The following ZNF704 variants were observed in gnomAD, a reference collection of about 807,000 sequenced individuals.
The protein encoded by ZNF704 is zinc finger protein 704.
ZNF704 carries 10 observed loss-of-function variants against 44.7 expected under a neutral mutation model. The observed-to-expected ratio is 0.22, with a 90% CI of 0.14 to 0.38. The LOEUF (loss-of-function observed/expected upper bound fraction) is 0.38. Among genes scored for constraint, ZNF704 ranks in the 10% least tolerant of loss-of-function variants. The pLI, the probability that ZNF704 is intolerant of heterozygous loss-of-function variation, is 1.00. For synonymous variants in ZNF704, 211 were observed against 207.6 expected (o/e 1.02, Z -0.14); for missense variants, 390 against 545.5 (o/e 0.71, Z 2.84).
chr8:80,649,485 C>T (rs1175596259), intron 7 of ZNF704, among the ~76,000 whole-genome samples: 1 of 152,186 alleles, frequency 6.6e-6, no homozygotes, highest in East Asian at 1.9e-4. Flanking sequence ...GCTTTTCCAA[C>T]AGTCTTAGCA....
chr8:80,799,673 A>C (rs1241756526), intron 2 of ZNF704, among the ~76,000 whole-genome samples: 3 of 152,224 alleles, frequency 2.0e-5, no homozygotes, highest in Non-Finnish European at 2.9e-5. Flanking sequence ...AGCAACCTCA[A>C]AGATCAAAGG....
chr8:80,823,995 A>G (rs966424624), intron 1 of ZNF704, among the ~76,000 whole-genome samples: 5 of 152,338 alleles, frequency 3.3e-5, no homozygotes, highest in Admixed American at 1.3e-4. Flanking sequence ...AAAGCTGAAA[A>G]TTCTAAAAAT....
chr8:80,771,948 G>A (rs1312155450), intron 2 of ZNF704, among the ~76,000 whole-genome samples: 2 of 152,104 alleles, frequency 1.3e-5, no homozygotes, highest in African/African-American at 2.4e-5. Context: ...ATTATGTGAT[G>A]TTTCTTCTTT....
chr8:80,748,241 T>C (rs1038831513), intron 2 of ZNF704, among the ~76,000 whole-genome samples: 13 of 151,430 alleles, frequency 8.6e-5, no homozygotes, highest in African/African-American at 2.9e-4. Flanking sequence ...AACAAAATCA[T>C]TGGTATATCT....
chr8:80,763,410 C>G (rs1419975907), intron 2 of ZNF704, among the ~76,000 whole-genome samples: 1 of 152,238 alleles, frequency 6.6e-6, no homozygotes, highest in Non-Finnish European at 1.5e-5. Context: ...CCTGCAGGCT[C>G]AACACCAAAT....
intron 1 of ZNF704, among the ~76,000 whole-genome samples, chr8:80,850,515 AC>A (rs1224714955): frequency 6.6e-6 from 1 of 151,968 alleles, no homozygotes; most frequent in East Asian, 1.9e-4. Flanking sequence ...ACCAGGCTCC[AC>A]CCCAGCCATC....
At position 80,687,286 on chromosome 8, in the gene ZNF704, G is replaced by A; in HGVS notation, c.498C>T (p.Gly166=). 6.2e-7 allele frequency: 1 copy of A among 1,613,182 alleles called. No individual in the cohort carries two copies. The highest frequency in any genetic ancestry group is 8.5e-7 in the Non-Finnish European group (1 of 1,179,864). The change falls in exon 4 of 9, where the codon GGC becomes GGT. Residue 166 remains glycine (G), a synonymous_variant. Coordinates refer to ENST00000327835, the MANE Select transcript of ZNF704 (RefSeq NM_001033723.3). The part of the protein sequence containing the change: ...PFRSPAQPDD[G]IDEAEASNLL... ...GGTTGCTGGCCTCCGCCTCGTCGAT[G>A]CCGTCGTCTGGCTGCGCGGGGCTGC...
chr8:80,751,277 G>A (rs990004891), intron 2 of ZNF704, among the ~76,000 whole-genome samples: 1 of 152,090 alleles, frequency 6.6e-6, no homozygotes, highest in African/African-American at 2.4e-5. Flanking sequence ...GTTCTTTCCT[G>A]GTGTTTGTTT....
chr8:80,675,123 T>C (rs944523438), intron 4 of ZNF704, among the ~76,000 whole-genome samples: 1 of 152,234 alleles, frequency 6.6e-6, no homozygotes, highest in African/African-American at 2.4e-5. Context: ...TAATACATGA[T>C]GACCATTTCA....
At chr8:80,773,000 T>TGA (rs1171640171) in intron 2 of ZNF704, among the ~76,000 whole-genome samples, 6 of 152,202 alleles carry the variant, frequency 3.9e-5, no homozygotes, top group African/African-American at 1.2e-4. Flanking sequence ...AGTTCCTCTT[T>TGA]GATTCATGGG....
In ZNF704 at chr8:80,661,641, C is replaced by T. The variant is rs1426556346; in HGVS notation, c.928-1952G>A. On this transcript the variant is annotated intron_variant, in intron 6 of 8. Transcript: ENST00000327835. The stretch of plus-strand genomic sequence containing the variant: ...AGAATGATATCCTGTCATTTTCAGC[C>T]ATATGAATGGAACTAGAGGTCACTA... Among the ~76,000 whole-genome samples the T allele has an allele frequency of 1.5e-4, 23 of 152,128 alleles. 1 individual carries two copies. The highest frequency in any genetic ancestry group is 1.5e-3 in the Admixed American group (23 of 15,276).
chr8:80,669,450 G>C (rs1228499364), intron 5 of ZNF704, among the ~76,000 whole-genome samples: 1 of 152,162 alleles, frequency 6.6e-6, no homozygotes, highest in Non-Finnish European at 1.5e-5. Flanking sequence ...ATATGCTCTG[G>C]AAGGCTCTGG....
chr8:80,748,728 G>A (rs1317117124), intron 2 of ZNF704, among the ~76,000 whole-genome samples: 8 of 152,142 alleles, frequency 5.3e-5, no homozygotes, highest in African/African-American at 1.9e-4. Flanking sequence ...AGATTGGTGA[G>A]GGGAACTTGG....
chr8:80,742,234 T>C (rs1264968504), intron 2 of ZNF704, among the ~76,000 whole-genome samples: 1 of 152,170 alleles, frequency 6.6e-6, no homozygotes, highest in Non-Finnish European at 1.5e-5. Flanking sequence ...GAAATGCTTA[T>C]AGAAGGACCC....
chr8:80,835,176 A>G (rs1808538273), intron 1 of ZNF704, among the ~76,000 whole-genome samples: 1 of 151,586 alleles, frequency 6.6e-6, no homozygotes, highest in Non-Finnish European at 1.5e-5. Context: ...CAACTTGGGT[A>G]TTTTTTTTTA....
intron 4 of ZNF704, among the ~76,000 whole-genome samples, chr8:80,675,558 T>A (rs1334138173): frequency 6.6e-6 from 1 of 151,788 alleles, no homozygotes; most frequent in Non-Finnish European, 1.5e-5. Context: ...TCACTGCAGG[T>A]GAGAAGAGAT....
At position 80,802,792 on chromosome 8, in the gene ZNF704, C is replaced by T. The variant is rs183559075; in HGVS notation, c.221+18582G>A. Among the ~76,000 whole-genome samples the T allele has an allele frequency of 3.9e-5, 6 of 152,192 alleles. No individual in the cohort carries two copies. The East Asian group carries it at 1.2e-3, about 29-fold the overall frequency. Reference sequence around the variant, plus strand: ...GAAAACCAACACAAGACAAGTATGCCCCCTCTCATTACTCCTGTTCAACAC... The same window carrying T: ...GAAAACCAACACAAGACAAGTATGCTCCCTCTCATTACTCCTGTTCAACAC... On this transcript the variant is annotated intron_variant, in intron 2 of 8. Transcript: ENST00000327835.
intron 2 of ZNF704, among the ~76,000 whole-genome samples, chr8:80,706,567 G>A (rs1229341523): frequency 6.6e-6 from 1 of 152,226 alleles, no homozygotes; most frequent in African/African-American, 2.4e-5. Context: ...CCAGGAGCAA[G>A]GGGGGATGTG....
intron 1 of ZNF704, among the ~76,000 whole-genome samples, chr8:80,822,454 C>T: frequency 6.6e-6 from 1 of 152,112 alleles, no homozygotes; most frequent in East Asian, 1.9e-4. Context: ...ATTGATGGGA[C>T]ATTTGGGTTG....
Sources: gnomAD v4.1 joint callset for allele counts (sites outside exome capture counted in the v4.1 genomes callset) on GRCh38, gnomAD v4.1.1 for gene constraint, MANE v1.5 for transcripts, NCBI Gene and HGNC (gene_info 2026-07-23, HGNC 2026-07-21) for gene names.